MEOX2: variants seen among roughly 807,000 people sequenced by gnomAD.
The protein encoded by MEOX2 is mesenchyme homeobox 2.
MEOX2 carries 11 observed loss-of-function variants against 27.0 expected under a neutral mutation model. The ratio of observed to expected loss-of-function variants is 0.41; its 90% confidence interval spans 0.26 to 0.68. MEOX2 has a LOEUF of 0.68. Ranked by LOEUF, MEOX2 falls within the 30% of genes least tolerant of loss-of-function variation. The probability of loss-of-function intolerance (pLI) is 0.33; values close to 1 mark genes in which losing one functional copy is unlikely to be tolerated. For missense variants in MEOX2, 436 were observed against 385.4 expected (o/e 1.13, Z -1.10); for synonymous variants, 189 against 155.4 (o/e 1.22, Z -1.61).
At chr7:15,631,030 G>A (rs139980778) in intron 1 of MEOX2, among the ~76,000 whole-genome samples, 26 of 151,938 alleles carry the variant, frequency 1.7e-4, no homozygotes, top group African/African-American at 5.3e-4. Context: ...TATACACTAA[G>A]GTGTGTGAGG....
Position 15,686,371 on chromosome 7 carries a change from C to T in MEOX2, c.32G>A (p.Ser11Asn). 6.3e-7 allele frequency: 1 copy of T among 1,586,170 alleles called. No individual in the cohort carries two copies. Among genetic ancestry groups the T allele is most frequent in the East Asian group, 2.3e-5 (1 of 43,470 alleles). Residue 11 changes from serine (S) to asparagine (N), a missense_variant, in exon 1 of 3, where the codon AGC becomes AAC. Coordinates refer to ENST00000262041, the MANE Select transcript of MEOX2 (RefSeq NM_005924.5). The part of the protein sequence containing the change: MEHPLFGCLR[S>N]PHATAQGLHP... Reference sequence around the variant, plus strand: ...CAAGCCTTGCGCCGTGGCGTGAGGGCTGCGCAGGCAGCCAAAGAGCGGGTG... The same window carrying T: ...CAAGCCTTGCGCCGTGGCGTGAGGGTTGCGCAGGCAGCCAAAGAGCGGGTG...
At chr7:15,638,219 T>G (rs1464973077) in intron 1 of MEOX2, among the ~76,000 whole-genome samples, 1 of 152,152 alleles carries the variant, frequency 6.6e-6, no homozygotes, top group Non-Finnish European at 1.5e-5. Flanking sequence ...GATTACTTTT[T>G]AAAAAGTTAA....
chr7:15,625,145 C>T (rs889106947), intron 2 of MEOX2, among the ~76,000 whole-genome samples: 1 of 152,148 alleles, frequency 6.6e-6, no homozygotes, highest in Non-Finnish European at 1.5e-5. Flanking sequence ...CCTTCATCTA[C>T]TATATAAAAC....
chr7:15,676,422 A>G (rs1583792222), intron 1 of MEOX2, among the ~76,000 whole-genome samples: 1 of 152,204 alleles, frequency 6.6e-6, no homozygotes, highest in Admixed American at 6.5e-5. Flanking sequence ...TCTCTGCAAT[A>G]AAGTTTCTAA....
intron 1 of MEOX2, among the ~76,000 whole-genome samples, chr7:15,655,038 A>G (rs1053020735): frequency 2.0e-5 from 3 of 151,834 alleles, no homozygotes; most frequent in African/African-American, 7.2e-5. Flanking sequence ...ACATTTTTAA[A>G]TCATAAATTC....
chr7:15,636,480 T>C (rs1410864371), intron 1 of MEOX2, among the ~76,000 whole-genome samples: 4 of 152,064 alleles, frequency 2.6e-5, no homozygotes, highest in Non-Finnish European at 4.4e-5. Flanking sequence ...GCTAGTGAAG[T>C]TAAATTCTTG....
chr7:15,673,417 A>T (rs1424673406), intron 1 of MEOX2, among the ~76,000 whole-genome samples: 1 of 152,158 alleles, frequency 6.6e-6, no homozygotes, highest in African/African-American at 2.4e-5. Flanking sequence ...TGGGATAGAA[A>T]TAAAAAATAA....
intron 1 of MEOX2, among the ~76,000 whole-genome samples, chr7:15,673,250 A>G (rs1043182366): frequency 3.3e-5 from 5 of 152,212 alleles, no homozygotes; most frequent in Admixed American, 1.3e-4. Flanking sequence ...ACTAGGCCAC[A>G]AGGGGAAATG....
intron 2 of MEOX2, among the ~76,000 whole-genome samples, chr7:15,622,580 A>C (rs552104940): frequency 4.1e-4 from 63 of 152,302 alleles, no homozygotes; most frequent in African/African-American, 1.4e-3. Context: ...ATAAGTCTTA[A>C]AGAATGAATA....
At chr7:15,663,671 C>T (rs1472562592) in intron 1 of MEOX2, among the ~76,000 whole-genome samples, 1 of 152,132 alleles carries the variant, frequency 6.6e-6, no homozygotes, top group African/African-American at 2.4e-5. Flanking sequence ...TGACATAGCA[C>T]TAAACTTATT....
chr7:15,671,299 A>T (rs1216298191), intron 1 of MEOX2, among the ~76,000 whole-genome samples: 1 of 152,224 alleles, frequency 6.6e-6, no homozygotes, highest in Non-Finnish European at 1.5e-5. Context: ...GTCTGACAGT[A>T]ATCTGTTCTT....
rs146433793 is a variant in MEOX2 at position 15,685,281 on chromosome 7, T to C, written c.517+605A>G. ...AAATCTGAATTCCTAGATAATGTCT[T>C]CTTCCCCAATAAAGGGAAAATTTTA... On this transcript the variant is annotated intron_variant, in intron 1 of 2. Coordinates refer to ENST00000262041, the MANE Select transcript of MEOX2 (RefSeq NM_005924.5). 3.7e-3 allele frequency among the ~76,000 whole-genome samples: 562 copies of C among 152,312 alleles called. 2 individuals carry two copies. Among genetic ancestry groups the C allele is most frequent in the African/African-American group, 0.013 (538 of 41,566 alleles).
chr7:15,612,741 T>C (rs1410456348), intron 2 of MEOX2, 130 bp from the exon 3 acceptor site: 23 of 675,364 alleles, frequency 3.4e-5, no homozygotes, highest in East Asian at 3.2e-4. Flanking sequence ...AAGGAGTGAA[T>C]AGAAAAATAA....
intron 2 of MEOX2, among the ~76,000 whole-genome samples, chr7:15,624,157 T>A (rs567542067): frequency 6.6e-6 from 1 of 152,332 alleles, no homozygotes; most frequent in East Asian, 1.9e-4. Flanking sequence ...TTTATTCAGA[T>A]TTTTTTCATA....
At chr7:15,636,375 T>A (rs1173575044) in intron 1 of MEOX2, among the ~76,000 whole-genome samples, 1 of 151,958 alleles carries the variant, frequency 6.6e-6, no homozygotes, top group African/African-American at 2.4e-5. Flanking sequence ...TTATAAACAA[T>A]AATAAATAAT....
intron 1 of MEOX2, among the ~76,000 whole-genome samples, chr7:15,647,845 A>T (rs1028259756): frequency 2.0e-5 from 3 of 152,130 alleles, no homozygotes; most frequent in Non-Finnish European, 4.4e-5. Context: ...TAGGATTACC[A>T]TGGAGGCATT....
intron 1 of MEOX2, among the ~76,000 whole-genome samples, chr7:15,655,689 G>A (rs1781808535): frequency 6.6e-6 from 1 of 151,656 alleles, no homozygotes; most frequent in African/African-American, 2.4e-5. Context: ...TTAATTTCTA[G>A]TTTAATTTCA....
In MEOX2 at chr7:15,626,931, G is replaced by A; in HGVS notation, c.518-13C>T. 2 of 1,610,304 alleles carry A rather than the reference G, an allele frequency of 1.2e-6. No individual in the cohort carries two copies. The highest frequency in any genetic ancestry group is 1.7e-6 in the Non-Finnish European group (2 of 1,177,738). On this transcript the variant is annotated splice_polypyrimidine_tract_variant and intron_variant, in intron 1 of 2. Coordinates refer to ENST00000262041, the MANE Select transcript of MEOX2 (RefSeq NM_005924.5). ...CCTTCCTGGGAGTCTGAAAAAAAAG[G>A]GAGACAGAATTGGTAATAACTCATT... is the stretch of plus-strand genomic sequence containing the variant.
chr7:15,677,108 G>A (rs924463660), intron 1 of MEOX2, among the ~76,000 whole-genome samples: 2 of 152,134 alleles, frequency 1.3e-5, no homozygotes, highest in African/African-American at 4.8e-5. Flanking sequence ...TAAGGACAAT[G>A]ATTATTTTAA....
Sources: allele counts gnomAD v4.1 joint callset (sites outside exome capture counted in the v4.1 genomes callset), GRCh38; gene constraint gnomAD v4.1.1; transcripts MANE v1.5; gene names NCBI Gene and HGNC (gene_info 2026-07-23, HGNC 2026-07-21).